The following AGFG1 variants were observed in gnomAD, a reference collection of about 807,000 sequenced individuals.
AGFG1 encodes ArfGAP with FG repeats 1, also known as arf-GAP domain and FG repeat-containing protein 1.
Under a neutral mutation model 60.6 loss-of-function variants are expected in AGFG1, and 10 were observed. That is an observed-to-expected ratio of 0.16 (90% CI 0.10 to 0.28). The LOEUF (loss-of-function observed/expected upper bound fraction) is 0.28. Among genes scored for constraint, AGFG1 ranks in the 10% least tolerant of loss-of-function variants. AGFG1 has a pLI of 1.00. For synonymous variants in AGFG1, 247 were observed against 242.9 expected (o/e 1.02, Z -0.16); for missense variants, 537 against 676.5 (o/e 0.79, Z 2.29).
chr2:227,551,846 A>C, intron 10 of AGFG1, 113 bp from the exon 11 acceptor site: 1 of 1,285,466 alleles, frequency 7.8e-7, no homozygotes, highest in Non-Finnish European at 1.1e-6. Flanking sequence ...CCCTGCCTTT[A>C]ATGTACATCT....
chr2:227,543,252 G>T (rs1388131651), intron 10 of AGFG1, among the ~76,000 whole-genome samples: 2 of 151,968 alleles, frequency 1.3e-5, no homozygotes, highest in African/African-American at 4.8e-5. Flanking sequence ...TGATGTTAGG[G>T]TGTTAATTTT....
In AGFG1 at chr2:227,555,351, T is replaced by G. The variant is rs1192669613; in HGVS notation, c.*856T>G. On this transcript the variant is annotated 3_prime_UTR_variant, in exon 13 of 13. Transcript: ENST00000310078. ...TTTACCATAATCCTACTAATTTCTT[T>G]GCAGCTTATTAATTTTGTGAAATTT... 1 of 152,612 alleles carries G rather than the reference T, an allele frequency of 6.6e-6. No individual in the cohort carries two copies. The highest frequency in any genetic ancestry group is 2.4e-5 in the African/African-American group (1 of 41,456). The allele number at this position is 152,612 out of a possible 1,614,324, so 9.5% of individuals were successfully genotyped here.
chr2:227,514,384 T>G (rs1225625138), intron 2 of AGFG1, among the ~76,000 whole-genome samples: 5 of 152,048 alleles, frequency 3.3e-5, no homozygotes, highest in Admixed American at 6.6e-5. Context: ...GCTTATTTTT[T>G]TGTGTGTGTT....
At position 227,487,165 on chromosome 2, in the gene AGFG1, G is replaced by A. The variant is rs544090023; in HGVS notation, c.168-4382G>A. Among the ~76,000 whole-genome samples, 9 of 152,228 alleles carry A rather than the reference G, an allele frequency of 5.9e-5. No homozygotes were observed. The South Asian group carries it at 1.5e-3, about 25-fold the overall frequency. On this transcript the variant is annotated intron_variant, in intron 1 of 12. Coordinates refer to ENST00000310078, the MANE Select transcript of AGFG1 (RefSeq NM_004504.5). Reference sequence around the variant, plus strand: ...CTTTTTCTAATTCTTCAGCATAGACGTTCACATTCATAAAGCCAAGACTAA... The same window carrying A: ...CTTTTTCTAATTCTTCAGCATAGACATTCACATTCATAAAGCCAAGACTAA...
chr2:227,525,083 A>G (rs996159700), intron 5 of AGFG1, among the ~76,000 whole-genome samples, 168 bp downstream of exon 5: 1 of 152,062 alleles, frequency 6.6e-6, no homozygotes, highest in Non-Finnish European at 1.5e-5. Context: ...TTGCTTTTTA[A>G]TCACAGAAGA....
intron 2 of AGFG1, among the ~76,000 whole-genome samples, chr2:227,503,738 G>A (rs1175040369): frequency 1.3e-5 from 2 of 152,226 alleles, no homozygotes; most frequent in Admixed American, 6.5e-5. Flanking sequence ...TGACCACAGT[G>A]CAGATTATCT....
At chr2:227,524,054 T>C (rs763468842) in intron 4 of AGFG1, 129 bp downstream of exon 4, 3 of 949,908 alleles carry the variant, frequency 3.2e-6, no homozygotes, top group East Asian at 5.1e-5. Context: ...TGGTTTGTTA[T>C]ACATTAAGAA....
At chr2:227,505,843 A>C (rs1017972060) in intron 2 of AGFG1, among the ~76,000 whole-genome samples, 1 of 152,034 alleles carries the variant, frequency 6.6e-6, no homozygotes, top group African/African-American at 2.4e-5. Flanking sequence ...GGTTCAAGTG[A>C]TTCTCTGCCT....
At chr2:227,534,775 G>A (rs1692259652) in intron 7 of AGFG1, 70 bp from the exon 8 acceptor site, 1 of 1,534,684 alleles carries the variant, frequency 6.5e-7, no homozygotes, top group Non-Finnish European at 8.9e-7. Flanking sequence ...GTGTTTCATG[G>A]CAAATGTGGT....
Position 227,495,177 on chromosome 2 carries a change from G to A in AGFG1, c.261+3537G>A, listed in dbSNP as rs150556822. Among the ~76,000 whole-genome samples, 6 of 152,052 alleles carry A rather than the reference G, an allele frequency of 3.9e-5. No individual in the cohort carries two copies. The East Asian group carries it at 1.2e-3, about 29-fold the overall frequency. ...GTATTTATTTGCTGAAGTAATTTTT[G>A]TCATTTTTTTCAGAACCAGAATATT... On this transcript the variant is annotated intron_variant, in intron 2 of 12. Coordinates refer to ENST00000310078, the MANE Select transcript of AGFG1 (RefSeq NM_004504.5).
Position 227,556,070 on chromosome 2 carries a change from T to G in AGFG1, c.*1575T>G, listed in dbSNP as rs1217413188. On this transcript the variant is annotated 3_prime_UTR_variant, in exon 13 of 13. Coordinates refer to ENST00000310078, the MANE Select transcript of AGFG1 (RefSeq NM_004504.5). ...TCACTATACTACATCATCTGATGAT[T>G]ATTCTTTATTATGCCTCTAGGTAAT... is the stretch of plus-strand genomic sequence containing the variant. 5 of 152,236 alleles carry G rather than the reference T, an allele frequency of 3.3e-5. No homozygotes were observed. Among genetic ancestry groups the G allele is most frequent in the Admixed American group, 2.6e-4 (4 of 15,282 alleles). The allele number at this position is 152,236 out of a possible 1,614,324, so 9.4% of individuals were successfully genotyped here.
chr2:227,559,528 G>A lies in AGFG1; in HGVS notation c.*5033G>A, dbSNP rs1693074196. 1 of 152,122 alleles carries A rather than the reference G, an allele frequency of 6.6e-6. No individual in the cohort carries two copies. Among genetic ancestry groups the A allele is most frequent in the African/African-American group, 2.4e-5 (1 of 41,426 alleles). 9.4% of individuals were successfully genotyped at this position (152,122 alleles called of 1,614,324 possible). On this transcript the variant is annotated 3_prime_UTR_variant, in exon 13 of 13. Coordinates refer to ENST00000310078, the MANE Select transcript of AGFG1 (RefSeq NM_004504.5). Reference sequence around the variant, plus strand: ...TTGACATCTGTGCTTGTCCAACACAGGGCTGTAGGGACTGATGAAAAGAGA... The same window carrying A: ...TTGACATCTGTGCTTGTCCAACACAAGGCTGTAGGGACTGATGAAAAGAGA...
chr2:227,549,777 A>C lies in AGFG1; in HGVS notation c.1379-2182A>C, dbSNP rs531078402. The stretch of plus-strand genomic sequence containing the variant: ...TTTTTTAATGACTGTAAAAAAGTTG[A>C]TGCCTATTTGTTTAAAAAATTGATT... On this transcript the variant is annotated intron_variant, in intron 10 of 12. Transcript: ENST00000310078. 2.0e-5 allele frequency among the ~76,000 whole-genome samples: 3 copies of C among 152,316 alleles called. No homozygotes were observed. The East Asian group carries it at 5.8e-4, about 29-fold the overall frequency.
intron 11 of AGFG1, among the ~76,000 whole-genome samples, chr2:227,552,485 G>A (rs548713310): frequency 5.3e-5 from 8 of 152,170 alleles, no homozygotes; most frequent in Admixed American, 1.3e-4. Context: ...GGACAGAAAT[G>A]TGTACCTTTT....
At chr2:227,501,574 A>G (rs966657815) in intron 2 of AGFG1, among the ~76,000 whole-genome samples, 3 of 152,032 alleles carry the variant, frequency 2.0e-5, no homozygotes, top group African/African-American at 7.2e-5. Flanking sequence ...ACTTCTTCCT[A>G]TTCAGTCCTT....
chr2:227,496,798 T>G (rs1048187394), intron 2 of AGFG1, among the ~76,000 whole-genome samples: 2 of 152,230 alleles, frequency 1.3e-5, no homozygotes, highest in Non-Finnish European at 2.9e-5. Flanking sequence ...TAAGAAGAAT[T>G]ATCAATTTTT....
rs557406592 is a variant in AGFG1, at chr2:227,480,711, A to G, written c.167+8123A>G. On this transcript the variant is annotated intron_variant, in intron 1 of 12. Coordinates refer to ENST00000310078, the MANE Select transcript of AGFG1 (RefSeq NM_004504.5). ...ACTTTTCTTCTATCTTCATTCTGGAAATTCCCTTCACTTGTAACCTATGTT... is the reference window on the plus strand; with the variant it reads ...ACTTTTCTTCTATCTTCATTCTGGAGATTCCCTTCACTTGTAACCTATGTT... Among the ~76,000 whole-genome samples the G allele has an allele frequency of 6.6e-5, 10 of 152,248 alleles. No individual in the cohort carries two copies. In the South Asian group the frequency reaches 2.1e-3, roughly 32 times the overall value.
intron 2 of AGFG1, among the ~76,000 whole-genome samples, chr2:227,508,837 C>T (rs572684797): frequency 1.3e-5 from 2 of 152,010 alleles, no homozygotes; most frequent in East Asian, 1.9e-4. Context: ...AGGATAGGCA[C>T]GGATCTGTAG....
At position 227,557,566 on chromosome 2, in the gene AGFG1, T is replaced by A. The variant is rs1189047893; in HGVS notation, c.*3071T>A. On this transcript the variant is annotated 3_prime_UTR_variant, in exon 13 of 13. Coordinates refer to ENST00000310078, the MANE Select transcript of AGFG1 (RefSeq NM_004504.5). ...TCTCTGAGAATTTATTGTATTAAAATTAATACTGAGATATTTTTAAAACAT... is the reference window on the plus strand; with the variant it reads ...TCTCTGAGAATTTATTGTATTAAAAATAATACTGAGATATTTTTAAAACAT... 3 of 147,970 alleles carry A rather than the reference T, an allele frequency of 2.0e-5. No homozygotes were observed. Among genetic ancestry groups the A allele is most frequent in the African/African-American group, 7.5e-5 (3 of 40,190 alleles). The allele number at this position is 147,970 out of a possible 1,614,324, so 9.2% of individuals were successfully genotyped here.
Sources: gnomAD v4.1 joint callset for allele counts (sites outside exome capture counted in the v4.1 genomes callset) on GRCh38, gnomAD v4.1.1 for gene constraint, MANE v1.5 for transcripts, NCBI Gene and HGNC (gene_info 2026-07-23, HGNC 2026-07-21) for gene names.